Variants in TULP3 observed in about 807,000 individuals in gnomAD.
The protein encoded by TULP3 is tubby-related protein 3.
A neutral mutation model predicts 50.7 loss-of-function variants in TULP3; 38 were observed. The observed-to-expected ratio is 0.75, with a 90% CI of 0.58 to 0.98. The LOEUF is 0.98. Ranked by LOEUF, TULP3 falls within the 50% of genes least tolerant of loss-of-function variation. TULP3 has a pLI of 0.00. For synonymous variants in TULP3, 183 were observed against 196.6 expected (o/e 0.93, Z 0.58); for missense variants, 550 against 568.0 (o/e 0.97, Z 0.32).
Position 2,939,227 on chromosome 12 carries a change from T to C in TULP3, c.1196-84T>C. The C allele has an allele frequency of 6.7e-7, 1 of 1,483,454 alleles. No homozygotes were observed. The highest frequency in any genetic ancestry group is 9.2e-7 in the Non-Finnish European group (1 of 1,084,546). The allele number at this position is 1,483,454 out of a possible 1,614,324, so 91.9% of individuals were successfully genotyped here. On this transcript the variant is annotated intron_variant, in intron 10 of 10. Coordinates refer to ENST00000448120, the MANE Select transcript of TULP3 (RefSeq NM_003324.5). The surrounding 1 kb of genome is among the most constrained non-coding windows in gnomAD (Gnocchi z 4.0). Reference sequence around the variant, plus strand: ...GCCAGGGCGACAGAGCAAAACCCCATCTAAGAAAAGGAAGAAAAAGAAAAA... The same window carrying C: ...GCCAGGGCGACAGAGCAAAACCCCACCTAAGAAAAGGAAGAAAAAGAAAAA...
Position 2,899,902 on chromosome 12 carries a change from ACAAACAAAAAAAAAAAC to A in TULP3, c.41+8915_41+8931del, listed in dbSNP as rs775791618. 2.0e-4 allele frequency among the ~76,000 whole-genome samples: 26 copies of A among 132,976 alleles called. 2 individuals carry two copies. The highest frequency in any genetic ancestry group is 7.5e-4 in the African/African-American group (25 of 33,546). 87.2% of individuals were successfully genotyped at this position (132,976 alleles called of 152,430 possible). ...AGCGAGACTCCGTCTCAAAAAAAAA[ACAAACAAAAAAAAAAAC>A]AAAAAAAACTTGGAGACGGCTGTGG... On this transcript the variant is annotated intron_variant, in intron 1 of 10. Transcript: ENST00000448120.
intron 1 of TULP3, among the ~76,000 whole-genome samples, chr12:2,901,360 G>C (rs376625546): frequency 1.4e-5 from 2 of 140,894 alleles, no homozygotes; most frequent in East Asian, 4.1e-4. Context: ...TATTGCCTAG[G>C]CTTTTTGCCC....
chr12:2,936,253 G>GACGTCACTCAAGACACTCC (rs2098201206), intron 8 of TULP3, among the ~76,000 whole-genome samples: 2 of 152,062 alleles, frequency 1.3e-5, no homozygotes, highest in Non-Finnish European at 2.9e-5. Context: ...CTGGGTGACA[G>GACGTCACTCAAGACACTCC]AGCAAGACGC....
At chr12:2,938,565 G>T (rs1259586741) in intron 10 of TULP3, among the ~76,000 whole-genome samples, 2 of 152,070 alleles carry the variant, frequency 1.3e-5, no homozygotes, top group African/African-American at 2.4e-5. Context: ...GGAGGCCGAG[G>T]TGGGCAGATC....
In TULP3 at chr12:2,940,842, CCTCA is replaced by C; in HGVS notation, c.*1400_*1403del. 1 of 948,106 alleles carries C rather than the reference CCTCA, an allele frequency of 1.1e-6. No homozygotes were observed. Among genetic ancestry groups the C allele is most frequent in the Admixed American group, 2.7e-5 (1 of 36,582 alleles). The allele number at this position is 948,106 out of a possible 1,614,324, so 58.7% of individuals were successfully genotyped here. Reference sequence around the variant, plus strand: ...AGGCATGTATCCCACCAAGTGCCTCCCTCACAGCCATGCCCAGAAGCCTCACACC... The same window carrying C: ...AGGCATGTATCCCACCAAGTGCCTCCCAGCCATGCCCAGAAGCCTCACACC... On this transcript the variant is annotated 3_prime_UTR_variant, in exon 11 of 11. Transcript: ENST00000448120.
intron 1 of TULP3, among the ~76,000 whole-genome samples, chr12:2,901,482 A>G (rs2098179271): frequency 6.6e-6 from 1 of 151,822 alleles, no homozygotes; most frequent in Admixed American, 6.6e-5. Flanking sequence ...CCCGGGTTCA[A>G]GCGATTCTCC....
intron 4 of TULP3, among the ~76,000 whole-genome samples, chr12:2,927,366 ATTTTTT>A (rs71057864): frequency 4.8e-5 from 5 of 105,194 alleles, no homozygotes; most frequent in Non-Finnish European, 9.2e-5. Flanking sequence ...GTTGAGACTG[ATTTTTT>A]TTTTTTTTTT....
chr12:2,920,526 A>AT (rs917159964), intron 2 of TULP3, among the ~76,000 whole-genome samples: 5 of 152,014 alleles, frequency 3.3e-5, no homozygotes, highest in African/African-American at 1.2e-4. Context: ...GAAAAAAAAA[A>AT]GCATCATCTG....
At chr12:2,928,460 G>A (rs1021899355) in intron 4 of TULP3, among the ~76,000 whole-genome samples, 1 of 152,030 alleles carries the variant, frequency 6.6e-6, no homozygotes, top group African/African-American at 2.4e-5. Flanking sequence ...AACCTAGGAG[G>A]CGGAGGTTGC....
chr12:2,914,540 G>C (rs186075595), intron 2 of TULP3, among the ~76,000 whole-genome samples: 1 of 152,280 alleles, frequency 6.6e-6, no homozygotes. Flanking sequence ...CAGAGATTCA[G>C]CTTCATTCAG....
At chr12:2,916,407 G>GCCC (rs10673910) in intron 2 of TULP3, among the ~76,000 whole-genome samples, 74,551 of 151,814 alleles carry the variant, frequency 0.49, 19,021 homozygotes, top group African/African-American at 0.64. Flanking sequence ...CAATATTTTA[G>GCCC]CAGGATAGTA....
At chr12:2,909,234 C>T (rs769941090) in intron 1 of TULP3, among the ~76,000 whole-genome samples, 20 of 152,160 alleles carry the variant, frequency 1.3e-4, no homozygotes, top group Non-Finnish European at 2.6e-4. Context: ...GAGCATAATG[C>T]GTACCTAAGA....
intron 1 of TULP3, among the ~76,000 whole-genome samples, chr12:2,901,096 G>A (rs1394072817): frequency 6.6e-6 from 1 of 151,476 alleles, no homozygotes; most frequent in East Asian, 1.9e-4. Context: ...AAGTTCTTTT[G>A]TGAATATTTT....
chr12:2,928,943 T>A (rs1461123216), intron 4 of TULP3, among the ~76,000 whole-genome samples: 1 of 151,868 alleles, frequency 6.6e-6, no homozygotes, highest in Non-Finnish European at 1.5e-5. Context: ...AGACTCCATC[T>A]CAAAAAATCA....
intron 7 of TULP3, among the ~76,000 whole-genome samples, chr12:2,933,782 C>T (rs2098199592): frequency 6.6e-6 from 1 of 152,096 alleles, no homozygotes; most frequent in African/African-American, 2.4e-5. Context: ...AGAACTCCCT[C>T]TCTACTAAAA....
intron 1 of TULP3, among the ~76,000 whole-genome samples, chr12:2,894,137 A>G (rs190050066): frequency 2.0e-5 from 3 of 152,168 alleles, no homozygotes; most frequent in Admixed American, 2.0e-4. Context: ...CGTGCTTCCC[A>G]CTGTGGTGTG....
intron 2 of TULP3, among the ~76,000 whole-genome samples, chr12:2,910,801 C>T (rs2098185018): frequency 6.6e-6 from 1 of 152,194 alleles, no homozygotes; most frequent in Non-Finnish European, 1.5e-5. Context: ...TTCTGTTACA[C>T]ACACACACAT....
intron 4 of TULP3, among the ~76,000 whole-genome samples, chr12:2,928,978 CT>C (rs1385128336): frequency 1.3e-5 from 2 of 151,474 alleles, no homozygotes; most frequent in Non-Finnish European, 2.9e-5. Flanking sequence ...TGCTGCAGCT[CT>C]TTTTAGAATT....
At chr12:2,891,121 T>TTTGAATGATA in intron 1 of TULP3, 133 bp downstream of exon 1, 4 of 1,152,094 alleles carry the variant, frequency 3.5e-6, no homozygotes, top group South Asian at 1.7e-5. Context: ...GGGACTGGTT[T>TTTGAATGATA]CGGCGGCGGG....
Sources: allele counts gnomAD v4.1 joint callset (sites outside exome capture counted in the v4.1 genomes callset), GRCh38; gene constraint gnomAD v4.1.1; non-coding constraint Gnocchi (gnomAD v3.1); transcripts MANE v1.5; gene names NCBI Gene and HGNC (gene_info 2026-07-23, HGNC 2026-07-21).